Variants in DCDC2B observed in about 807,000 individuals in gnomAD.
DCDC2B encodes doublecortin domain-containing protein 2B.
Under a neutral mutation model 38.9 loss-of-function variants are expected in DCDC2B, and 41 were observed. The ratio of observed to expected loss-of-function variants is 1.05; its 90% CI spans 0.82 to 1.37. The LOEUF (loss-of-function observed/expected upper bound fraction) is 1.37, where lower values mean the gene tolerates loss of function less well. Ranked by LOEUF, DCDC2B falls within the 40% of genes most tolerant of loss-of-function variation. The pLI, the probability that DCDC2B is intolerant of heterozygous loss-of-function variation, is 0.00. For missense variants in DCDC2B, 453 were observed against 427.2 expected (o/e 1.06, Z -0.53); for synonymous variants, 181 against 171.9 (o/e 1.05, Z -0.41).
At chr1:32,209,822 G>C (rs1479920556) in intron 1 of DCDC2B, among the ~76,000 whole-genome samples, 2 of 152,156 alleles carry the variant, frequency 1.3e-5, no homozygotes, top group Non-Finnish European at 2.9e-5. Flanking sequence ...GAGTACCTGA[G>C]TCTCTGACTC....
rs951522892 is a variant in DCDC2B at position 32,212,769 on chromosome 1, G to A, written c.690G>A (p.Ser230=). 33 of 1,613,776 alleles carry A rather than the reference G, an allele frequency of 2.0e-5. No individual in the cohort carries two copies. Among genetic ancestry groups the A allele is most frequent in the African/African-American group, 4.0e-5 (3 of 74,922 alleles). ...GTCATTGTAGGCAACCTCCAGGCTC[G>A]AAGTCTAGGCCCCACAGGCAGGGGG... The part of the protein sequence containing the change: ...LPRGCWQPPG[S]KSRPHRQGAQ... Residue 230 remains serine, a synonymous_variant, in exon 6 of 9, where the codon TCG becomes TCA. Coordinates refer to ENST00000409358, the MANE Select transcript of DCDC2B (RefSeq NM_001099434.2).
At position 32,211,316 on chromosome 1, in the gene DCDC2B, G is replaced by C; in HGVS notation, c.311G>C (p.Arg104Thr). 6.2e-7 allele frequency: 1 copy of C among 1,613,912 alleles called. No homozygotes were observed. The highest frequency in any genetic ancestry group is 8.5e-7 in the Non-Finnish European group (1 of 1,179,854). Residue 104 changes from arginine to threonine, a missense_variant, in exon 2 of 9, where the codon AGA becomes ACA. Arg to Thr is a moderately conservative substitution (Grantham distance 71). Coordinates refer to ENST00000409358, the MANE Select transcript of DCDC2B (RefSeq NM_001099434.2). Reference sequence around the variant, plus strand: ...AAGGACCCAGGTGGGAAGAGCTGCAGACTACAAGTGAGTCCCGGGGAACCT... The same window carrying C: ...AAGGACCCAGGTGGGAAGAGCTGCACACTACAAGTGAGTCCCGGGGAACCT... ...RGKDPGGKSCRLQGPPVTRHL... is the reference protein window; with the variant it reads ...RGKDPGGKSCTLQGPPVTRHL...
Position 32,211,133 on chromosome 1 carries a change from G to A in DCDC2B, c.267-139G>A, listed in dbSNP as rs971044403. 4 of 815,944 alleles carry A rather than the reference G, an allele frequency of 4.9e-6. No individual in the cohort carries two copies. The African/African-American group carries it at 6.8e-5, about 14-fold the overall frequency. 50.5% of individuals were successfully genotyped at this position (815,944 alleles called of 1,614,324 possible). On this transcript the variant is annotated intron_variant, in intron 1 of 8. Transcript: ENST00000409358. Reference sequence around the variant, plus strand: ...GGGCAGGTTCAGCTGCCAATATCTTGTTTCTGGACTGAGATGATTGCCACT... The same window carrying A: ...GGGCAGGTTCAGCTGCCAATATCTTATTTCTGGACTGAGATGATTGCCACT...
At chr1:32,210,742 C>T (rs950204777) in intron 1 of DCDC2B, among the ~76,000 whole-genome samples, 1 of 151,366 alleles carries the variant, frequency 6.6e-6, no homozygotes, top group Non-Finnish European at 1.5e-5. Flanking sequence ...CAGGGTCTTG[C>T]TCTGTCACCC....
At position 32,215,863 on chromosome 1, in the gene DCDC2B, CTA is replaced by C; in HGVS notation, c.1018_1019del (p.Ile340LeufsTer30). Reference sequence around the variant, plus strand: ...GAAAACCAGCCTGGGGCTGGGGCTGCTATCTCAGCCTCAGCCCCAGCTCTGCC... The same window carrying C: ...GAAAACCAGCCTGGGGCTGGGGCTGCTCTCAGCCTCAGCCCCAGCTCTGCC... On this transcript the variant is annotated frameshift_variant, in exon 9 of 9. Transcript: ENST00000409358. LOFTEE classifies it high-confidence loss of function. The C allele has an allele frequency of 1.3e-6, 2 of 1,551,388 alleles. No individual in the cohort carries two copies. Among genetic ancestry groups the C allele is most frequent in the Non-Finnish European group, 1.7e-6 (2 of 1,147,220 alleles).
intron 7 of DCDC2B, 130 bp downstream of exon 7, chr1:32,215,062 A>T: frequency 7.3e-7 from 1 of 1,363,544 alleles, no homozygotes. Context: ...GGAAAAAAAA[A>T]AAAAAGATAA....
At chr1:32,211,354 C>T in intron 2 of DCDC2B, 31 bp downstream of exon 2, 1 of 1,612,066 alleles carries the variant, frequency 6.2e-7, no homozygotes, top group Non-Finnish European at 8.5e-7. Context: ...GCCCCAGCCC[C>T]TCTGTCTTCC....
At chr1:32,213,570 G>A (rs1277406643) in intron 6 of DCDC2B, among the ~76,000 whole-genome samples, 5 of 144,428 alleles carry the variant, frequency 3.5e-5, no homozygotes, top group East Asian at 2.0e-4. Flanking sequence ...ATGCAGTGGC[G>A]CAATCTTGGC....
intron 2 of DCDC2B, 60 bp from the exon 3 acceptor site, chr1:32,211,701 G>A: frequency 1.3e-6 from 2 of 1,541,666 alleles, no homozygotes; most frequent in Non-Finnish European, 1.8e-6. Flanking sequence ...ACCTTGGATG[G>A]GCCCACCCCT....
In DCDC2B at chr1:32,212,913, CAG is replaced by C. The variant is rs575837196; in HGVS notation, c.714+123_714+124del. 5.7e-6 allele frequency: 7 copies of C among 1,236,206 alleles called. No individual in the cohort carries two copies. The Admixed American group carries it at 1.6e-4, about 27-fold the overall frequency. 76.6% of individuals were successfully genotyped at this position (1,236,206 alleles called of 1,614,324 possible). On this transcript the variant is annotated intron_variant, in intron 6 of 8. Transcript: ENST00000409358. The stretch of plus-strand genomic sequence containing the variant: ...CTCTCTTTTTTCTTTTTCTTTGAGA[CAG>C]AGTCTTGCTCTGTAGTCCAGGCTGG...
intron 1 of DCDC2B, among the ~76,000 whole-genome samples, chr1:32,211,035 T>G (rs1409981695): frequency 6.6e-6 from 1 of 152,246 alleles, no homozygotes; most frequent in African/African-American, 2.4e-5. Context: ...TGGTTAGTAC[T>G]GAGACCCCAG....
At chr1:32,214,631 T>A (rs1249575334) in intron 6 of DCDC2B, 166 bp from the exon 7 acceptor site, 1 of 933,298 alleles carries the variant, frequency 1.1e-6, no homozygotes, top group Non-Finnish European at 1.6e-6. Flanking sequence ...TAAGTCAGGC[T>A]GGTGGGAAGA....
intron 6 of DCDC2B, among the ~76,000 whole-genome samples, chr1:32,213,785 C>T (rs1004502278): frequency 1.9e-4 from 29 of 151,586 alleles, no homozygotes; most frequent in African/African-American, 5.3e-4. Context: ...GCTGGGATTA[C>T]AGGCGTGAGC....
chr1:32,209,641 G>A (rs1199111369), intron 1 of DCDC2B, among the ~76,000 whole-genome samples: 3 of 152,104 alleles, frequency 2.0e-5, no homozygotes, highest in African/African-American at 7.2e-5. Context: ...CTCCCACAGG[G>A]TGAGCCCCTT....
chr1:32,212,268 G>T, intron 4 of DCDC2B, 67 bp downstream of exon 4: 1 of 1,589,862 alleles, frequency 6.3e-7, no homozygotes, highest in Non-Finnish European at 8.6e-7. Flanking sequence ...TTCAGCTGTG[G>T]CTGAGGATGA....
chr1:32,209,477 G>T (rs1044909295), intron 1 of DCDC2B, 118 bp downstream of exon 1: 37 of 1,447,420 alleles, frequency 2.6e-5, no homozygotes, highest in Admixed American at 4.4e-5. Flanking sequence ...CTCTATGTAG[G>T]GGGGGTGGTT....
chr1:32,212,091 G>A lies in DCDC2B; in HGVS notation c.417G>A (p.Leu139=). Residue 139 remains leucine, a synonymous_variant, in exon 4 of 9, where the codon CTG becomes CTA. Transcript: ENST00000409358. Reference sequence around the variant, plus strand: ...TCAGTGTGTTCAGGAATGGGGACCTGGTAAGTCCCCCATTTAGTCTGAAGC... The same window carrying A: ...TCAGTGTGTTCAGGAATGGGGACCTAGTAAGTCCCCCATTTAGTCTGAAGC... ...SYIHVFRNGD[L]VSPPFSLKLS... The A allele has an allele frequency of 6.2e-7, 1 of 1,613,700 alleles. No homozygotes were observed. Among genetic ancestry groups the A allele is most frequent in the Non-Finnish European group, 8.5e-7 (1 of 1,179,678 alleles).
rs1280883073 is a variant in DCDC2B, at chr1:32,211,437, G to A, written c.318+114G>A. 6 of 1,091,314 alleles carry A rather than the reference G, an allele frequency of 5.5e-6. No individual in the cohort carries two copies. In the South Asian group the frequency reaches 7.0e-5, roughly 13 times the overall value. The allele number at this position is 1,091,314 out of a possible 1,614,324, so 67.6% of individuals were successfully genotyped here. A position where few individuals can be genotyped will look rare whatever the true frequency, so the allele number is the denominator to read the frequency against. On this transcript the variant is annotated intron_variant, in intron 2 of 8. Transcript: ENST00000409358. ...CAGCAGGATCTGCCAGTTCCAGGGG[G>A]GTACTTTGGAGCCAGCTACTATCTT...
rs1643614539 is a variant in DCDC2B, at chr1:32,212,183, AG to A, written c.510del (p.Ser171ValfsTer10). ...CTCCTGACTGAGAAGGTCAAGTTGC[AG>A]AGTGGGGCTGTGTGCAAGTGAGTAT... is the stretch of plus-strand genomic sequence containing the variant. Reference protein sequence around the residue: ...LKLLTEKVKLQSGAVCKLCTL... With the variant: ...LKLLTEKVKLXSGAVCKLCTL... On this transcript the variant is annotated frameshift_variant, in exon 4 of 9. Transcript: ENST00000409358. LOFTEE classifies it high-confidence loss of function. The A allele has an allele frequency of 6.2e-7, 1 of 1,613,420 alleles. No individual in the cohort carries two copies. The highest frequency in any genetic ancestry group is 1.3e-5 in the African/African-American group (1 of 74,924).
Sources: gnomAD v4.1 joint callset for allele counts (sites outside exome capture counted in the v4.1 genomes callset) on GRCh38, gnomAD v4.1.1 for gene constraint, MANE v1.5 for transcripts, NCBI Gene and HGNC (gene_info 2026-07-23, HGNC 2026-07-21) for gene names.